Variants in COQ10B observed in about 807,000 individuals in gnomAD.
COQ10B encodes the protein coenzyme Q10B.
A neutral mutation model predicts 27.6 loss-of-function variants in COQ10B; 12 were observed. The observed-to-expected ratio is 0.43, with a 90% CI of 0.28 to 0.70. The LOEUF (loss-of-function observed/expected upper bound fraction) is 0.70, where lower values mean the gene tolerates loss of function less well. COQ10B is among the 30% of genes least tolerant of loss of function. The pLI, the probability that COQ10B is intolerant of heterozygous loss-of-function variation, is 0.17. For missense variants in COQ10B, 278 were observed against 288.7 expected (o/e 0.96, Z 0.27); for synonymous variants, 115 against 103.0 (o/e 1.12, Z -0.71).
intron 4 of COQ10B, among the ~76,000 whole-genome samples, chr2:197,471,467 G>A (rs955157689): frequency 1.3e-5 from 2 of 152,012 alleles, no homozygotes; most frequent in Non-Finnish European, 2.9e-5. Context: ...TCATATAATC[G>A]TAGTTATAGA....
At position 197,473,495 on chromosome 2, in the gene COQ10B, C is replaced by CGT. The variant is rs796835324; in HGVS notation, c.550-261_550-260dup. Among the ~76,000 whole-genome samples the CGT allele has an allele frequency of 7.8e-4, 93 of 119,350 alleles. 2 individuals are homozygous for CGT. The highest frequency in any genetic ancestry group is 3.3e-3 in the South Asian group (12 of 3,648). The allele number at this position is 119,350 out of a possible 152,430, so 78.3% of individuals were successfully genotyped here. A position where few individuals can be genotyped will look rare whatever the true frequency, so the allele number is the denominator to read the frequency against. On this transcript the variant is annotated intron_variant, in intron 4 of 4. Coordinates refer to ENST00000263960, the MANE Select transcript of COQ10B (RefSeq NM_025147.5). ...ATATACACGTATATATATGTATATA[C>CGT]GTATATATATACGTATATATATACA...
intron 1 of COQ10B, among the ~76,000 whole-genome samples, chr2:197,454,848 A>G (rs2085679224): frequency 6.6e-6 from 1 of 152,184 alleles, no homozygotes; most frequent in Non-Finnish European, 1.5e-5. Flanking sequence ...ATACTTAAGT[A>G]TATGAGAGAG....
chr2:197,467,619 C>T (rs1232216617), intron 3 of COQ10B, among the ~76,000 whole-genome samples: 1 of 151,796 alleles, frequency 6.6e-6, no homozygotes. Context: ...TCAGGTGATC[C>T]GCCCGCCTTG....
intron 4 of COQ10B, among the ~76,000 whole-genome samples, chr2:197,472,529 C>T (rs934650160): frequency 2.0e-5 from 3 of 152,104 alleles, no homozygotes; most frequent in Non-Finnish European, 4.4e-5. Flanking sequence ...CGTGGCCGGG[C>T]GCAGTGGCTC....
chr2:197,469,766 T>A (rs1388789415), intron 3 of COQ10B, among the ~76,000 whole-genome samples: 2 of 152,078 alleles, frequency 1.3e-5, no homozygotes, highest in Non-Finnish European at 2.9e-5. Flanking sequence ...AGAAATAAGC[T>A]TCCAAGAAGC....
intron 1 of COQ10B, 147 bp downstream of exon 1, chr2:197,453,811 A>C: frequency 9.8e-7 from 1 of 1,022,514 alleles, no homozygotes; most frequent in South Asian, 1.6e-5. Flanking sequence ...TGCGTTTGGC[A>C]TCTGAGGGAC....
chr2:197,464,379 T>G (rs1371618814), intron 3 of COQ10B, among the ~76,000 whole-genome samples: 3 of 152,120 alleles, frequency 2.0e-5, no homozygotes, highest in African/African-American at 7.2e-5. Context: ...GCCAAATACC[T>G]TAGTCAGCTC....
intron 3 of COQ10B, among the ~76,000 whole-genome samples, chr2:197,464,040 CATAT>C (rs1302124731): frequency 3.8e-5 from 4 of 105,250 alleles, no homozygotes; most frequent in South Asian, 3.6e-4. Context: ...CATACACACA[CATAT>C]ATATATACGT....
chr2:197,473,451 T>C (rs1182170382), intron 4 of COQ10B, among the ~76,000 whole-genome samples: 1,080 of 46,898 alleles, frequency 0.023, 90 homozygotes, highest in South Asian at 0.15. Context: ...TACACATATA[T>C]ACATATATAT....
intron 1 of COQ10B, among the ~76,000 whole-genome samples, chr2:197,456,453 A>G (rs942157840): frequency 1.4e-5 from 2 of 139,186 alleles, no homozygotes; most frequent in African/African-American, 5.5e-5. Context: ...GCAGAGCGAG[A>G]CTCCATCTCA....
chr2:197,459,222 C>T (rs991300276), intron 1 of COQ10B, among the ~76,000 whole-genome samples: 4 of 152,106 alleles, frequency 2.6e-5, no homozygotes, highest in Non-Finnish European at 5.9e-5. Flanking sequence ...CTGCAGTGCC[C>T]GTGGTGTGTT....
At chr2:197,458,106 T>C (rs2085719221) in intron 1 of COQ10B, among the ~76,000 whole-genome samples, 1 of 122,560 alleles carries the variant, frequency 8.2e-6, no homozygotes, top group Non-Finnish European at 1.9e-5. Context: ...TGGGGTCATA[T>C]TTTCTTTTTC....
chr2:197,457,155 CA>C (rs2085708920), intron 1 of COQ10B, among the ~76,000 whole-genome samples: 1 of 152,188 alleles, frequency 6.6e-6, no homozygotes, highest in African/African-American at 2.4e-5. Context: ...GCTGATCTGA[CA>C]GGAGGCAGAA....
chr2:197,459,760 T>TA (rs964078892), intron 1 of COQ10B, among the ~76,000 whole-genome samples, 172 bp from the exon 2 acceptor site: 1 of 152,106 alleles, frequency 6.6e-6, no homozygotes, highest in African/African-American at 2.4e-5. Context: ...TTTTTTTTTT[T>TA]ACAGTGTTTA....
chr2:197,473,488 GTATATACGTA>G (rs1286666703), intron 4 of COQ10B, among the ~76,000 whole-genome samples: 2 of 107,420 alleles, frequency 1.9e-5, no homozygotes, highest in Non-Finnish European at 3.7e-5. Flanking sequence ...GTATATATAT[GTATATACGTA>G]TATATATACG....
At chr2:197,462,843 T>TA (rs986190483) in intron 3 of COQ10B, 112 bp downstream of exon 3, 1 of 580,770 alleles carries the variant, frequency 1.7e-6, no homozygotes. Context: ...AGGAGGAGGG[T>TA]AAAAAATTTA....
At chr2:197,462,768 T>C in intron 3 of COQ10B, 37 bp downstream of exon 3, 1 of 1,240,314 alleles carries the variant, frequency 8.1e-7, no homozygotes, top group South Asian at 1.5e-5. Context: ...TAAATATTCT[T>C]CCATATATTA....
intron 3 of COQ10B, among the ~76,000 whole-genome samples, chr2:197,465,960 T>A: frequency 6.6e-6 from 1 of 151,880 alleles, no homozygotes; most frequent in East Asian, 1.9e-4. Flanking sequence ...GGCGTGGTGG[T>A]GAGTGCCTAT....
rs754944961 is a variant in COQ10B at position 197,462,522 on chromosome 2, AT to A, written c.255-12del. 2 of 1,414,256 alleles carry A rather than the reference AT, an allele frequency of 1.4e-6. No homozygotes were observed. Among genetic ancestry groups the A allele is most frequent in the South Asian group, 2.6e-5 (2 of 77,880 alleles). The allele number at this position is 1,414,256 out of a possible 1,614,324, so 87.6% of individuals were successfully genotyped here. On this transcript the variant is annotated splice_polypyrimidine_tract_variant and intron_variant, in intron 2 of 4. Transcript: ENST00000263960. ...TAGATGGAGTTAACACCTCTTTTTT[AT>A]TTTTATTTTTTAAAGATATTCAATG...
Sources: gnomAD v4.1 joint callset for allele counts (sites outside exome capture counted in the v4.1 genomes callset) on GRCh38, gnomAD v4.1.1 for gene constraint, MANE v1.5 for transcripts, NCBI Gene and HGNC (gene_info 2026-07-23, HGNC 2026-07-21) for gene names.